Variants in MAGOHB observed in about 807,000 individuals in gnomAD.
MAGOHB encodes the protein mago homolog B, exon junction complex subunit, also known as protein mago nashi homolog 2.
A neutral mutation model predicts 20.9 loss-of-function variants in MAGOHB; 15 were observed. That is an observed-to-expected ratio of 0.72 (90% CI 0.48 to 1.11). The LOEUF is 1.11. Ranked by LOEUF, MAGOHB falls within the 50% of genes least tolerant of loss-of-function variation. MAGOHB has a pLI of 0.00. For synonymous variants in MAGOHB, 50 were observed against 57.9 expected (o/e 0.86, Z 0.62); for missense variants, 162 against 177.6 (o/e 0.91, Z 0.50).
chr12:10,610,806 G>T, intron 1 of MAGOHB, 126 bp from the exon 2 acceptor site: 1 of 902,054 alleles, frequency 1.1e-6, no homozygotes, highest in Non-Finnish European at 1.6e-6. Flanking sequence ...CTCCCTCCTT[G>T]TGTAAGATCA....
At chr12:10,610,500 T>C (rs1366958920) in intron 2 of MAGOHB, 122 bp downstream of exon 2, 6 of 1,141,506 alleles carry the variant, frequency 5.3e-6, no homozygotes, top group South Asian at 1.9e-5. Flanking sequence ...AATCTATAAA[T>C]TGCCTTCTTC....
At chr12:10,608,738 TAACA>T (rs1353500721) in intron 3 of MAGOHB, 1 of 152,154 alleles carries the variant, frequency 6.6e-6, no homozygotes, top group Non-Finnish European at 1.5e-5. Context: ...ATCTTCAAGT[TAACA>T]GACACTATTG....
At chr12:10,612,546 G>T in intron 1 of MAGOHB, 1 of 398,796 alleles carries the variant, frequency 2.5e-6, no homozygotes, top group Non-Finnish European at 3.5e-6. Context: ...CCTGCTTATA[G>T]GACTTAATAT....
At chr12:10,610,776 A>AGT in intron 1 of MAGOHB, 96 bp from the exon 2 acceptor site, 1 of 1,100,788 alleles carries the variant, frequency 9.1e-7, no homozygotes, top group Non-Finnish European at 1.3e-6. Flanking sequence ...ATTTTATACT[A>AGT]CTATTTTTAT....
chr12:10,610,520 T>A (rs181806030), intron 2 of MAGOHB, 102 bp downstream of exon 2: 5 of 1,286,994 alleles, frequency 3.9e-6, no homozygotes, highest in Non-Finnish European at 5.1e-6. Flanking sequence ...CTTTACAATA[T>A]AGCCTTAGAT....
downstream of MAGOHB, among the ~76,000 whole-genome samples, chr12:10,603,569 G>C (rs1341145222): frequency 1.3e-5 from 2 of 150,860 alleles, no homozygotes; most frequent in Non-Finnish European, 2.9e-5. Flanking sequence ...AAGGATTCCC[G>C]ATGGCAATTT....
chr12:10,607,292 G>A (rs1204229145), intron 4 of MAGOHB, among the ~76,000 whole-genome samples: 1 of 152,116 alleles, frequency 6.6e-6, no homozygotes, highest in Admixed American at 6.6e-5. Flanking sequence ...ACAATTCAGG[G>A]TGACAGAAAA....
rs760859153 is a variant in MAGOHB, at chr12:10,604,461, C to T, written c.*1814G>A. 18 of 152,032 alleles carry T rather than the reference C, an allele frequency of 1.2e-4. No individual in the cohort carries two copies. Among genetic ancestry groups the T allele is most frequent in the South Asian group, 6.2e-4 (3 of 4,822 alleles). 9.4% of individuals were successfully genotyped at this position (152,032 alleles called of 1,614,324 possible). ...GGGGATAGAGCTAAATAAACGAAAA[C>T]GTAAGGAAGTTAGAGAACGGGGACA... is the stretch of plus-strand genomic sequence containing the variant. On this transcript the variant is annotated 3_prime_UTR_variant, in exon 5 of 5. Coordinates refer to ENST00000320756, the MANE Select transcript of MAGOHB (RefSeq NM_018048.5).
chr12:10,601,838 T>C (rs377372192), downstream of MAGOHB, among the ~76,000 whole-genome samples: 9 of 152,374 alleles, frequency 5.9e-5, no homozygotes, highest in African/African-American at 2.2e-4. Context: ...AATTTAGCAC[T>C]ACAGACAGGA....
chr12:10,610,522 G>T (rs1591664916), intron 2 of MAGOHB, 100 bp downstream of exon 2: 1 of 1,299,018 alleles, frequency 7.7e-7, no homozygotes, highest in Non-Finnish European at 1.0e-6. Context: ...TTACAATATA[G>T]CCTTAGATGT....
At chr12:10,600,795 G>C (rs555502677), downstream of MAGOHB, among the ~76,000 whole-genome samples, 11 of 152,242 alleles carry the variant, frequency 7.2e-5, no homozygotes, top group African/African-American at 2.4e-4. Flanking sequence ...TACAGTTCTA[G>C]GAAACCAACT....
chr12:10,611,771 A>AAG lies in MAGOHB; in HGVS notation c.95-1092_95-1091insCT, dbSNP rs1555146553. 5.4e-3 allele frequency among the ~76,000 whole-genome samples: 504 copies of AAG among 93,046 alleles called. 12 individuals are homozygous for AAG. The highest frequency in any genetic ancestry group is 6.4e-3 in the African/African-American group (164 of 25,512). The allele number at this position is 93,046 out of a possible 152,430, so 61.0% of individuals were successfully genotyped here. The stretch of plus-strand genomic sequence containing the variant: ...TCAAAAAAAAAAAAAAAAAAAAAAA[A>AAG]AAAAGAAAAGAAACGCGTCTTCGGG... On this transcript the variant is annotated intron_variant, in intron 1 of 4. Coordinates refer to ENST00000320756, the MANE Select transcript of MAGOHB (RefSeq NM_018048.5).
At chr12:10,601,034 TTTC>T (rs1465262046), downstream of MAGOHB, among the ~76,000 whole-genome samples, 1 of 152,162 alleles carries the variant, frequency 6.6e-6, no homozygotes, top group African/African-American at 2.4e-5. Context: ...TGCTGGGCAT[TTTC>T]TTCTTTCCCT....
downstream of MAGOHB, among the ~76,000 whole-genome samples, chr12:10,602,519 C>T (rs975241761): frequency 6.6e-6 from 1 of 152,188 alleles, no homozygotes; most frequent in Non-Finnish European, 1.5e-5. Context: ...AACTCCCTAC[C>T]TGGCCTTTTG....
At position 10,606,184 on chromosome 12, in the gene MAGOHB, C is replaced by T. The variant is rs1333738729; in HGVS notation, c.*91G>A. 8.9e-6 allele frequency: 6 copies of T among 671,204 alleles called. No individual in the cohort carries two copies. Among genetic ancestry groups the T allele is most frequent in the Non-Finnish European group, 1.5e-5 (6 of 412,910 alleles). The allele number at this position is 671,204 out of a possible 1,614,324, so 41.6% of individuals were successfully genotyped here. ...TTTACATACAAATTTTTTTTGTTTG[C>T]TTCACATTCATAAAAACCCCAATAC... On this transcript the variant is annotated 3_prime_UTR_variant, in exon 5 of 5. Transcript: ENST00000320756.
chr12:10,601,908 T>C (rs917142673), downstream of MAGOHB, among the ~76,000 whole-genome samples: 1 of 152,218 alleles, frequency 6.6e-6, no homozygotes, highest in Non-Finnish European at 1.5e-5. Context: ...CCTAAGGTTC[T>C]AATAGGGGAA....
chr12:10,613,074 T>A, intron 1 of MAGOHB: 3 of 648,364 alleles, frequency 4.6e-6, no homozygotes, highest in Non-Finnish European at 6.8e-6. Context: ...ACACACAGCC[T>A]AAATGAAAAA....
At chr12:10,609,637 C>T (rs1021363302) in intron 3 of MAGOHB, 194 bp downstream of exon 3, 2 of 570,132 alleles carry the variant, frequency 3.5e-6, no homozygotes, top group African/African-American at 1.9e-5. Flanking sequence ...TAGAGCTATG[C>T]ACTGACTCCT....
Position 10,605,270 on chromosome 12 carries a change from C to T in MAGOHB, c.*1005G>A, listed in dbSNP as rs1335517543. Reference sequence around the variant, plus strand: ...CCATTATTGCAAAAAAGTTATTGGACTGCCCGACTCTAGAGCCTACCTGCT... The same window carrying T: ...CCATTATTGCAAAAAAGTTATTGGATTGCCCGACTCTAGAGCCTACCTGCT... On this transcript the variant is annotated 3_prime_UTR_variant, in exon 5 of 5. Transcript: ENST00000320756. 1 of 152,222 alleles carries T rather than the reference C, an allele frequency of 6.6e-6. No individual in the cohort carries two copies. Among genetic ancestry groups the T allele is most frequent in the African/African-American group, 2.4e-5 (1 of 41,452 alleles). The allele number at this position is 152,222 out of a possible 1,614,324, so 9.4% of individuals were successfully genotyped here. A position where few individuals can be genotyped will look rare whatever the true frequency, so the allele number is the denominator to read the frequency against.
Sources: gnomAD v4.1 joint callset for allele counts (sites outside exome capture counted in the v4.1 genomes callset) on GRCh38, gnomAD v4.1.1 for gene constraint, MANE v1.5 for transcripts, NCBI Gene and HGNC (gene_info 2026-07-23, HGNC 2026-07-21) for gene names.